The following GRK5 variants were observed in gnomAD, a reference collection of about 807,000 sequenced individuals.
GRK5 encodes the protein G protein-coupled receptor kinase 5.
GRK5 carries 40 observed loss-of-function variants against 78.4 expected under a neutral mutation model. The ratio of observed to expected loss-of-function variants is 0.51; its 90% CI spans 0.40 to 0.66. GRK5 has a LOEUF of 0.66. Among genes scored for constraint, GRK5 ranks in the 30% least tolerant of loss-of-function variants. The pLI is 0.00. For synonymous variants in GRK5, 289 were observed against 296.8 expected (o/e 0.97, Z 0.27); for missense variants, 598 against 759.9 (o/e 0.79, Z 2.50).
chr10:119,431,536 G>A lies in GRK5; in HGVS notation c.738+9G>A, dbSNP rs986047396. The A allele has an allele frequency of 4.3e-6, 7 of 1,611,052 alleles. No individual in the cohort carries two copies. Among genetic ancestry groups the A allele is most frequent in the African/African-American group, 1.3e-5 (1 of 74,934 alleles). On this transcript the variant is annotated intron_variant, in intron 8 of 15. Transcript: ENST00000392870. This position sits in a 1 kb window ranked among gnomAD's most constrained non-coding sequence, Gnocchi z 4.8. ...TCAACAGTCAGTTTGTGGTGAGTGA[G>A]CATCTGGGCCCAGTGACCGGCTCGC...
chr10:119,246,967 G>T (rs1849124220), intron 1 of GRK5, among the ~76,000 whole-genome samples: 1 of 152,278 alleles, frequency 6.6e-6, no homozygotes, highest in East Asian at 1.9e-4. Flanking sequence ...AGCCTCTTGG[G>T]TTCTATCCAG....
chr10:119,300,278 T>A (rs1405575708), intron 1 of GRK5, among the ~76,000 whole-genome samples: 3 of 152,240 alleles, frequency 2.0e-5, no homozygotes, highest in Non-Finnish European at 4.4e-5. Flanking sequence ...TAAGTCGTCT[T>A]TTTTGCAGGA....
chr10:119,405,370 A>G (rs532868560), intron 4 of GRK5, among the ~76,000 whole-genome samples: 1 of 152,296 alleles, frequency 6.6e-6, no homozygotes, highest in East Asian at 1.9e-4. Context: ...CTTTGTTTCA[A>G]TAAACAATGA....
At chr10:119,215,258 T>C (rs757103390) in intron 1 of GRK5, among the ~76,000 whole-genome samples, 1 of 152,142 alleles carries the variant, frequency 6.6e-6, no homozygotes, top group Admixed American at 6.5e-5. Flanking sequence ...TAGTGGCCAT[T>C]GTATTGGGCC....
intron 2 of GRK5, among the ~76,000 whole-genome samples, chr10:119,339,552 A>G (rs1179597323): frequency 6.6e-6 from 1 of 152,060 alleles, no homozygotes; most frequent in Non-Finnish European, 1.5e-5. Context: ...AGGGAAGAAA[A>G]GCCATGGGTT....
Position 119,320,822 on chromosome 10 carries a change from C to T in GRK5, c.53-5694C>T, listed in dbSNP as rs535117031. On this transcript the variant is annotated intron_variant, in intron 1 of 15. Transcript: ENST00000392870. ...GAACTGGCCATTCCTGCTGCTGGGA[C>T]CTGAGCACGGGGGAGGTGGGAGGTG... Among the ~76,000 whole-genome samples the T allele has an allele frequency of 3.9e-5, 6 of 152,340 alleles. No individual in the cohort carries two copies. In the South Asian group the frequency reaches 1.0e-3, roughly 26 times the overall value.
In GRK5 at chr10:119,219,140, G is replaced by C. The variant is rs376046490; in HGVS notation, c.52+11171G>C. Among the ~76,000 whole-genome samples the C allele has an allele frequency of 5.9e-5, 9 of 151,932 alleles. No individual in the cohort carries two copies. The East Asian group carries it at 1.7e-3, about 29-fold the overall frequency. ...CTGACCTCGTGATCCTCCCTGCCTC[G>C]GCCTCCCAAAGTGCTGGGATTACAG... On this transcript the variant is annotated intron_variant, in intron 1 of 15. Transcript: ENST00000392870.
chr10:119,336,780 G>A lies in GRK5; in HGVS notation c.148+10169G>A, dbSNP rs983416781. On this transcript the variant is annotated intron_variant, in intron 2 of 15. Coordinates refer to ENST00000392870, the MANE Select transcript of GRK5 (RefSeq NM_005308.3). This position sits in a 1 kb window ranked among gnomAD's most constrained non-coding sequence, Gnocchi z 4.5. ...ATGTCTGTCGTTCTGCCACCTAGCC[G>A]TGCTGTGATAAGGCACAGCATCTGC... 3.9e-5 allele frequency among the ~76,000 whole-genome samples: 6 copies of A among 152,182 alleles called. No homozygotes were observed. The highest frequency in any genetic ancestry group is 6.5e-5 in the Admixed American group (1 of 15,290).
intron 2 of GRK5, among the ~76,000 whole-genome samples, chr10:119,338,251 C>G (rs1451083044): frequency 1.3e-5 from 2 of 152,162 alleles, no homozygotes; most frequent in Non-Finnish European, 2.9e-5. Context: ...CCCAGTGGAC[C>G]ACAGGAATGT....
At chr10:119,360,863 G>A (rs537503360) in intron 2 of GRK5, among the ~76,000 whole-genome samples, 2 of 152,298 alleles carry the variant, frequency 1.3e-5, no homozygotes, top group East Asian at 1.9e-4. Context: ...CTTCCTGCCC[G>A]AGGCCCTGAG....
chr10:119,272,137 G>A (rs1024381243), intron 1 of GRK5, among the ~76,000 whole-genome samples: 1 of 152,200 alleles, frequency 6.6e-6, no homozygotes, highest in Non-Finnish European at 1.5e-5. Context: ...CCTTGTATGG[G>A]ACCCTGTGCC....
intron 4 of GRK5, among the ~76,000 whole-genome samples, chr10:119,422,920 C>A (rs910193843): frequency 6.6e-6 from 1 of 152,248 alleles, no homozygotes; most frequent in African/African-American, 2.4e-5. Context: ...TCAGAAGTCT[C>A]ATCCTGAACC....
chr10:119,298,089 AC>A (rs1452523705), intron 1 of GRK5, among the ~76,000 whole-genome samples: 27 of 152,094 alleles, frequency 1.8e-4, no homozygotes, highest in African/African-American at 6.3e-4. Context: ...AAGTGCCTCT[AC>A]TCAGAGTTAA....
intron 1 of GRK5, among the ~76,000 whole-genome samples, chr10:119,263,505 G>A (rs574821303): frequency 3.9e-5 from 6 of 152,342 alleles, no homozygotes; most frequent in African/African-American, 1.4e-4. Context: ...AGGGATGGAT[G>A]ATTCTTTGGC....
chr10:119,423,303 C>A (rs1257550586), intron 5 of GRK5, 37 bp downstream of exon 5: 2 of 1,470,690 alleles, frequency 1.4e-6, no homozygotes, highest in South Asian at 1.1e-5. Flanking sequence ...CCTCCCCGGG[C>A]TGCCCAGAGA....
At chr10:119,260,362 TA>T (rs977633035) in intron 1 of GRK5, among the ~76,000 whole-genome samples, 1 of 146,994 alleles carries the variant, frequency 6.8e-6, no homozygotes, top group Non-Finnish European at 1.5e-5. Context: ...TTAACATATT[TA>T]ACCGTCTGCT....
chr10:119,239,705 C>T (rs982316731), intron 1 of GRK5, among the ~76,000 whole-genome samples: 6 of 151,868 alleles, frequency 4.0e-5, no homozygotes, highest in African/African-American at 7.3e-5. Context: ...TAATAAGCCC[C>T]GGTGTGTGAT....
At chr10:119,366,689 T>C (rs1589767391) in intron 2 of GRK5, among the ~76,000 whole-genome samples, 1 of 152,112 alleles carries the variant, frequency 6.6e-6, no homozygotes, top group Admixed American at 6.6e-5. Flanking sequence ...CCTGAGGAAA[T>C]TGATTGACCA....
At chr10:119,298,626 C>A (rs73445460) in intron 1 of GRK5, among the ~76,000 whole-genome samples, 5,864 of 152,138 alleles carry the variant, frequency 0.039, 145 homozygotes, top group East Asian at 0.085. Flanking sequence ...TGTCTCAACA[C>A]CCCCTCCCTT....
Sources: allele counts gnomAD v4.1 joint callset (sites outside exome capture counted in the v4.1 genomes callset), GRCh38; gene constraint gnomAD v4.1.1; non-coding constraint Gnocchi (gnomAD v3.1); transcripts MANE v1.5; gene names NCBI Gene and HGNC (gene_info 2026-07-23, HGNC 2026-07-21).